GAB3: variants seen among roughly 807,000 people sequenced by gnomAD.
GAB3 encodes the protein GRB2-associated-binding protein 3.
Under a neutral mutation model 40.4 loss-of-function variants are expected in GAB3, and 12 were observed. The ratio of observed to expected loss-of-function variants is 0.30; its 90% CI spans 0.19 to 0.48. GAB3 has a LOEUF of 0.48. Among genes scored for constraint, GAB3 ranks in the 20% least tolerant of loss-of-function variants. GAB3 has a pLI of 0.99. For missense variants in GAB3, 381 were observed against 461.9 expected, an observed-to-expected ratio of 0.82 and a Z score of 1.61; for synonymous variants, 154 against 176.7, an observed-to-expected ratio of 0.87 and a Z score of 1.02.
rs1260532028 is a variant in GAB3 at position 154,716,298 on chromosome X, C to T, written c.104G>A (p.Arg35Gln). Residue 35 changes from arginine (R) to glutamine (Q), a missense_variant, in exon 2 of 10, where the codon CGA becomes CAA. Coordinates refer to ENST00000424127, the MANE Select transcript of GAB3 (RefSeq NM_001081573.3). ...AWRKRWFVLR[R>Q]GRMSGNPDVL... is the part of the protein sequence containing the mutation. Reference sequence around the variant, plus strand: ...ATCGGGGTTGCCGCTCATGCGGCCTCGCCGGAGGACAAACCAGCGCTTGCG... The same window carrying T: ...ATCGGGGTTGCCGCTCATGCGGCCTTGCCGGAGGACAAACCAGCGCTTGCG... 9 of 1,210,649 alleles carry T rather than the reference C, an allele frequency of 7.4e-6. No homozygotes were observed. Among genetic ancestry groups the T allele is most frequent in the Non-Finnish European group, 1.0e-5 (9 of 895,070 alleles).
At chrX:154,693,209 T>C (rs1406199314) in intron 8 of GAB3, among the ~76,000 whole-genome samples, 2 of 111,977 alleles carry the variant, frequency 1.8e-5, no homozygotes, top group Non-Finnish European at 3.8e-5. Context: ...ATTGTATGAC[T>C]TCACTTATAT....
At position 154,712,165 on chromosome X, in the gene GAB3, G is replaced by C. The variant is rs376458857; in HGVS notation, c.1069+64C>G. On this transcript the variant is annotated intron_variant, in intron 4 of 9. Coordinates refer to ENST00000424127, the MANE Select transcript of GAB3 (RefSeq NM_001081573.3). ...TGGTCCATTGGCATGACCTCACATG[G>C]GCACAAAGAGTGAAGAGGAGCCCGG... is the stretch of plus-strand genomic sequence containing the variant. 69 of 841,816 alleles carry C rather than the reference G, an allele frequency of 8.2e-5. No homozygotes were observed. The East Asian group carries it at 1.5e-3, about 18-fold the overall frequency. 69.4% of individuals were successfully genotyped at this position (841,816 alleles called of 1,213,427 possible).
At chrX:154,687,711 G>A (rs1232259711) in intron 8 of GAB3, among the ~76,000 whole-genome samples, 2 of 109,849 alleles carry the variant, frequency 1.8e-5, no homozygotes, top group African/African-American at 6.6e-5. Flanking sequence ...ATTATACATG[G>A]AAAGGCAAAG....
chrX:154,730,835 C>A (rs2071280871), intron 1 of GAB3, among the ~76,000 whole-genome samples: 1 of 111,823 alleles, frequency 8.9e-6, no homozygotes, highest in Non-Finnish European at 1.9e-5. Context: ...CTGCTCCCTG[C>A]CAGATAGAGT....
At chrX:154,688,597 C>T (rs1436594479) in intron 8 of GAB3, among the ~76,000 whole-genome samples, 1 of 111,201 alleles carries the variant, frequency 9.0e-6, no homozygotes, top group Non-Finnish European at 1.9e-5. Context: ...AGGACTTGTA[C>T]ACAGAATATA....
intron 1 of GAB3, among the ~76,000 whole-genome samples, chrX:154,723,913 G>A (rs1557259102): frequency 8.9e-6 from 1 of 111,982 alleles, no homozygotes; most frequent in Non-Finnish European, 1.9e-5. Context: ...CAGTACTTGA[G>A]TAACTCAACT....
intron 1 of GAB3, among the ~76,000 whole-genome samples, chrX:154,735,862 T>A (rs932116230): frequency 8.0e-5 from 9 of 112,490 alleles, no homozygotes; most frequent in Non-Finnish European, 1.9e-5. Context: ...CATTCCTTAC[T>A]CCCTGGGCTG....
intron 1 of GAB3, among the ~76,000 whole-genome samples, chrX:154,750,211 T>G (rs1287747978): frequency 8.9e-6 from 1 of 112,792 alleles, no homozygotes; most frequent in African/African-American, 3.2e-5. Flanking sequence ...AATCAGGTCT[T>G]TAAGCAGAAT....
chrX:154,718,498 C>T (rs193111076), intron 1 of GAB3, among the ~76,000 whole-genome samples: 362 of 111,599 alleles, frequency 3.2e-3, no homozygotes, highest in African/African-American at 0.011. Context: ...TTTGTATGCT[C>T]GTGGGGGTGA....
chrX:154,689,590 G>A (rs1416501179), intron 8 of GAB3, among the ~76,000 whole-genome samples: 1 of 110,513 alleles, frequency 9.0e-6, no homozygotes, highest in Non-Finnish European at 1.9e-5. Flanking sequence ...AAATCAATGT[G>A]CAAAAATCAC....
At chrX:154,703,520 G>A (rs963781792) in intron 4 of GAB3, among the ~76,000 whole-genome samples, 1 of 111,653 alleles carries the variant, frequency 9.0e-6, no homozygotes, top group Non-Finnish European at 1.9e-5. Flanking sequence ...AGAATGGTAA[G>A]AGGGAAAGGA....
At chrX:154,691,187 A>G (rs2070557340) in intron 8 of GAB3, among the ~76,000 whole-genome samples, 1 of 101,546 alleles carries the variant, frequency 9.8e-6, no homozygotes, top group African/African-American at 3.6e-5. Flanking sequence ...CAAACACCGC[A>G]TGTTCTCACT....
At chrX:154,688,781 C>A (rs1226870677) in intron 8 of GAB3, among the ~76,000 whole-genome samples, 3 of 111,481 alleles carry the variant, frequency 2.7e-5, no homozygotes, top group Non-Finnish European at 3.8e-5. Context: ...CACTGAGATA[C>A]CAATATACAT....
At chrX:154,747,173 T>A (rs1323576278) in intron 1 of GAB3, among the ~76,000 whole-genome samples, 1 of 111,524 alleles carries the variant, frequency 9.0e-6, no homozygotes. Context: ...GCCTGGCTAA[T>A]TTTTTTTGTG....
chrX:154,696,714 A>G (rs2070663994), intron 7 of GAB3, among the ~76,000 whole-genome samples: 1 of 112,422 alleles, frequency 8.9e-6, no homozygotes, highest in African/African-American at 3.2e-5. Context: ...GGGGAACACA[A>G]TTCTCTCTCC....
chrX:154,699,588 T>C, intron 5 of GAB3, 75 bp from the exon 6 acceptor site: 1 of 852,755 alleles, frequency 1.2e-6, no homozygotes, highest in East Asian at 3.2e-5. Flanking sequence ...GCCAAAGCTG[T>C]ACATATGGTT....
intron 1 of GAB3, among the ~76,000 whole-genome samples, chrX:154,717,909 G>T (rs2071070952): frequency 9.0e-6 from 1 of 111,637 alleles, no homozygotes; most frequent in African/African-American, 3.3e-5. Context: ...TACTTTCTGC[G>T]GTAGGGAACT....
Position 154,721,948 on chromosome X carries a change from A to G in GAB3, c.73-5619T>C, listed in dbSNP as rs1005509379. On this transcript the variant is annotated intron_variant, in intron 1 of 9. Coordinates refer to ENST00000424127, the MANE Select transcript of GAB3 (RefSeq NM_001081573.3). ...TGAGTATAGACCCAAAGGAAGTGAA[A>G]TCACCCTCTCATAAAGATATCTGCA... Among the ~76,000 whole-genome samples, 12 of 111,727 alleles carry G rather than the reference A, an allele frequency of 1.1e-4. No individual in the cohort carries two copies. In the Admixed American group the frequency reaches 1.1e-3, roughly 11 times the overall value.
In GAB3 at chrX:154,712,670, A is replaced by C. The variant is rs1372002760; in HGVS notation, c.628T>G (p.Ser210Ala). ...GAAGCCTGTTCCAATGAACGGTCTG[A>C]GTTTGACCAGCTATCACATCTGGTG... ...LPTRCDSWSN[S>A]DRSLEQASFD... Residue 210 changes from serine to alanine, a missense_variant, in exon 4 of 10, where the codon TCA becomes GCA. By Grantham distance (99) the Ser-to-Ala change is moderately conservative. Transcript: ENST00000424127. 1 of 1,127,225 alleles carries C rather than the reference A, an allele frequency of 8.9e-7. No individual in the cohort carries two copies. Among genetic ancestry groups the C allele is most frequent in the East Asian group, 3.1e-5 (1 of 32,596 alleles). The allele number at this position is 1,127,225 out of a possible 1,213,427, so 92.9% of individuals were successfully genotyped here. A position where few individuals can be genotyped will look rare whatever the true frequency, so the allele number is the denominator to read the frequency against.
Sources: allele counts gnomAD v4.1 joint callset (sites outside exome capture counted in the v4.1 genomes callset), GRCh38; gene constraint gnomAD v4.1.1; transcripts MANE v1.5; gene names NCBI Gene and HGNC (gene_info 2026-07-23, HGNC 2026-07-21).